The following IKZF2 variants were observed in gnomAD, a reference collection of about 807,000 sequenced individuals.
IKZF2 encodes IKAROS family zinc finger 2.
In IKZF2, 15 loss-of-function variants were observed where a neutral mutation model predicts 49.2. The observed-to-expected ratio is 0.30, with a 90% CI of 0.20 to 0.47. IKZF2 has a LOEUF of 0.47. Among genes scored for constraint, IKZF2 ranks in the 20% least tolerant of loss-of-function variants. IKZF2 has a pLI of 1.00. For missense variants in IKZF2, 567 were observed against 664.6 expected, an observed-to-expected ratio of 0.85 and a Z score of 1.61; for synonymous variants, 227 against 221.4, an observed-to-expected ratio of 1.03 and a Z score of -0.23.
At chr2:213,025,928 C>G (rs1327177754) in intron 6 of IKZF2, among the ~76,000 whole-genome samples, 1 of 152,166 alleles carries the variant, frequency 6.6e-6, no homozygotes, top group Non-Finnish European at 1.5e-5. Context: ...TTCATTCTCA[C>G]AATCAACGTC....
intron 4 of IKZF2, among the ~76,000 whole-genome samples, chr2:213,058,076 G>T (rs1362412227): frequency 6.6e-6 from 1 of 152,032 alleles, no homozygotes; most frequent in African/African-American, 2.4e-5. Context: ...AACTTATTTG[G>T]TACTACTTGA....
chr2:213,049,560 C>T (rs1203757506), intron 6 of IKZF2, among the ~76,000 whole-genome samples, 153 bp downstream of exon 6: 1 of 152,108 alleles, frequency 6.6e-6, no homozygotes, highest in Non-Finnish European at 1.5e-5. Flanking sequence ...ATACATGCAT[C>T]CTGCAAGATT....
intron 4 of IKZF2, among the ~76,000 whole-genome samples, chr2:213,091,831 TC>T (rs1246271948): frequency 1.3e-5 from 2 of 152,024 alleles, no homozygotes; most frequent in African/African-American, 4.8e-5. Context: ...GCCACTAGCT[TC>T]CCCATTTCTT....
At chr2:213,123,430 T>C (rs2060121263) in intron 4 of IKZF2, among the ~76,000 whole-genome samples, 1 of 152,194 alleles carries the variant, frequency 6.6e-6, no homozygotes, top group Admixed American at 6.5e-5. Context: ...ATAGTTTTTG[T>C]ACAAAATTTT....
At chr2:213,101,491 C>T (rs1186183926) in intron 4 of IKZF2, among the ~76,000 whole-genome samples, 1 of 151,828 alleles carries the variant, frequency 6.6e-6, no homozygotes, top group Non-Finnish European at 1.5e-5. Context: ...TACAAATTTC[C>T]TTCACATTGA....
chr2:213,090,111 A>C (rs1705127259), intron 4 of IKZF2, among the ~76,000 whole-genome samples: 1 of 152,170 alleles, frequency 6.6e-6, no homozygotes, highest in South Asian at 2.1e-4. Flanking sequence ...TGAGCTGTGG[A>C]TGCAAACATT....
intron 6 of IKZF2, among the ~76,000 whole-genome samples, chr2:213,026,692 C>T (rs527644527): frequency 6.6e-6 from 1 of 151,788 alleles, no homozygotes; most frequent in African/African-American, 2.4e-5. Flanking sequence ...TCTGTATTAT[C>T]CTCTTGCATT....
At position 213,000,844 on chromosome 2, in the gene IKZF2, A is replaced by G. The variant is rs1694844645; in HGVS notation, c.*6516T>C. On this transcript the variant is annotated 3_prime_UTR_variant, in exon 9 of 9. Transcript: ENST00000434687. Reference sequence around the variant, plus strand: ...TTGGGCGAGGGTCTAAGAAGATTCAATCTGTAAAAAGTTCAACTTTAGGAC... The same window carrying G: ...TTGGGCGAGGGTCTAAGAAGATTCAGTCTGTAAAAAGTTCAACTTTAGGAC... 1 of 151,680 alleles carries G rather than the reference A, an allele frequency of 6.6e-6. No individual in the cohort carries two copies. The highest frequency in any genetic ancestry group is 1.5e-5 in the Non-Finnish European group (1 of 67,628). The allele number at this position is 151,680 out of a possible 1,614,324, so 9.4% of individuals were successfully genotyped here.
chr2:213,106,654 A>AT (rs1336298155), intron 4 of IKZF2, among the ~76,000 whole-genome samples: 1 of 151,632 alleles, frequency 6.6e-6, no homozygotes, highest in Non-Finnish European at 1.5e-5. Context: ...AAAAAAAAAA[A>AT]AAGAAAAAAG....
intron 4 of IKZF2, among the ~76,000 whole-genome samples, chr2:213,102,500 C>A (rs1706812458): frequency 6.6e-6 from 1 of 151,984 alleles, no homozygotes; most frequent in South Asian, 2.1e-4. Context: ...TGTTTTTACA[C>A]CTGTTCTTGG....
intron 8 of IKZF2, among the ~76,000 whole-genome samples, chr2:213,009,538 A>T (rs1695715647): frequency 6.6e-6 from 1 of 152,128 alleles, no homozygotes; most frequent in African/African-American, 2.4e-5. Context: ...ACGTGAGATC[A>T]GTGTAATGAT....
chr2:213,004,242 G>A lies in IKZF2; in HGVS notation c.*3118C>T, dbSNP rs1359974225. The A allele has an allele frequency of 2.6e-5, 4 of 151,582 alleles. No individual in the cohort carries two copies. The highest frequency in any genetic ancestry group is 6.6e-5 in the Admixed American group (1 of 15,196). The allele number at this position is 151,582 out of a possible 1,614,324, so 9.4% of individuals were successfully genotyped here. ...ATGTAGGGGAGATACTTTCTACTAC[G>A]TAGCCAAATCTAAGTCGTAGTTTCT... On this transcript the variant is annotated 3_prime_UTR_variant, in exon 9 of 9. Transcript: ENST00000434687.
chr2:213,037,489 A>G (rs1382005274), intron 6 of IKZF2, among the ~76,000 whole-genome samples: 2 of 152,190 alleles, frequency 1.3e-5, no homozygotes, highest in Non-Finnish European at 2.9e-5. Context: ...AGGGGGAAAG[A>G]GGCGTTCTAC....
chr2:213,010,539 T>C (rs1017692123), intron 8 of IKZF2, among the ~76,000 whole-genome samples: 4 of 152,140 alleles, frequency 2.6e-5, no homozygotes, highest in African/African-American at 9.6e-5. Context: ...TACACAGTCC[T>C]CTTCATAGGG....
At chr2:213,016,945 T>A (rs1696676039) in intron 7 of IKZF2, 1 of 152,074 alleles carries the variant, frequency 6.6e-6, no homozygotes, top group Non-Finnish European at 1.5e-5. Context: ...TAAAGGTAAA[T>A]GGGCACTCTT....
At chr2:213,148,340 A>G (rs1303399018) in intron 3 of IKZF2, among the ~76,000 whole-genome samples, 1 of 152,244 alleles carries the variant, frequency 6.6e-6, no homozygotes, top group African/African-American at 2.4e-5. Context: ...AAAGTAAATT[A>G]TAAAAAGTAG....
At chr2:213,062,249 C>T (rs953850868) in intron 4 of IKZF2, among the ~76,000 whole-genome samples, 11 of 151,654 alleles carry the variant, frequency 7.3e-5, no homozygotes, top group African/African-American at 2.7e-4. Context: ...TTTAAATATA[C>T]ATATTAAACT....
chr2:213,097,443 A>G (rs1204849319), intron 4 of IKZF2, among the ~76,000 whole-genome samples: 1 of 152,080 alleles, frequency 6.6e-6, no homozygotes, highest in East Asian at 1.9e-4. Context: ...TTTTTTCCCC[A>G]TATTTCTTGA....
intron 6 of IKZF2, among the ~76,000 whole-genome samples, chr2:213,030,462 C>T (rs1448840405): frequency 6.6e-6 from 1 of 151,974 alleles, no homozygotes; most frequent in East Asian, 1.9e-4. Context: ...AGTAAAATAA[C>T]TTTTATCTCT....
Sources: allele counts gnomAD v4.1 joint callset (sites outside exome capture counted in the v4.1 genomes callset), GRCh38; gene constraint gnomAD v4.1.1; transcripts MANE v1.5; gene names NCBI Gene and HGNC (gene_info 2026-07-23, HGNC 2026-07-21).